RBFOX1: variants seen among roughly 807,000 people sequenced by gnomAD.
RBFOX1 encodes RNA binding protein fox-1 homolog 1.
Under a neutral mutation model 57.7 loss-of-function variants are expected in RBFOX1, and 8 were observed. The observed-to-expected ratio is 0.14, with a 90% CI of 0.08 to 0.25. The LOEUF (loss-of-function observed/expected upper bound fraction) is 0.25. Ranked by LOEUF, RBFOX1 falls within the 10% of genes least tolerant of loss-of-function variation. The pLI, the probability that RBFOX1 is intolerant of heterozygous loss-of-function variation, is 1.00. For missense variants in RBFOX1, 611 were observed against 548.5 expected (o/e 1.11, Z -1.14); for synonymous variants, 326 against 222.4 (o/e 1.47, Z -4.15).
intron 2 of RBFOX1, among the ~76,000 whole-genome samples, chr16:5,468,256 A>G (rs2069015329): frequency 6.6e-6 from 1 of 152,206 alleles, no homozygotes; most frequent in African/African-American, 2.4e-5. Flanking sequence ...TAGTACCTTC[A>G]CAGTGTTGGG....
chr16:7,021,193 C>A (rs550107439), intron 3 of RBFOX1, among the ~76,000 whole-genome samples: 2 of 152,090 alleles, frequency 1.3e-5, no homozygotes, highest in East Asian at 3.9e-4. Flanking sequence ...AAACTTGTCT[C>A]TTCTCAGTTA....
intron 1 of RBFOX1, among the ~76,000 whole-genome samples, chr16:6,071,543 T>C (rs888138050): frequency 3.3e-5 from 5 of 152,178 alleles, no homozygotes; most frequent in Non-Finnish European, 2.9e-5. Context: ...TTTTAAAAAT[T>C]AATGCTTCAT....
chr16:6,200,885 T>A (rs1317187373), intron 1 of RBFOX1, among the ~76,000 whole-genome samples: 1 of 151,958 alleles, frequency 6.6e-6, no homozygotes, highest in Non-Finnish European at 1.5e-5. Flanking sequence ...GTGTGTGTAT[T>A]TGTGTATTTT....
intron 1 of RBFOX1, among the ~76,000 whole-genome samples, chr16:5,277,670 C>G (rs570272346): frequency 1.8e-4 from 27 of 152,256 alleles, no homozygotes; most frequent in African/African-American, 6.5e-4. Flanking sequence ...GTCTCTATCC[C>G]TGACCCTACT....
chr16:6,547,166 G>A (rs528652108), intron 2 of RBFOX1, among the ~76,000 whole-genome samples: 1 of 152,230 alleles, frequency 6.6e-6, no homozygotes, highest in Admixed American at 6.5e-5. Context: ...CATTTTAATT[G>A]GTGGGGAAAC....
chr16:5,447,214 C>A (rs1226516257), intron 1 of RBFOX1, among the ~76,000 whole-genome samples: 2 of 152,132 alleles, frequency 1.3e-5, no homozygotes, highest in African/African-American at 2.4e-5. Flanking sequence ...CTGCCACCTT[C>A]TTGGTGAAGG....
At chr16:7,034,658 G>T (rs2043763642) in intron 3 of RBFOX1, among the ~76,000 whole-genome samples, 1 of 151,600 alleles carries the variant, frequency 6.6e-6, no homozygotes, top group African/African-American at 2.4e-5. Flanking sequence ...CTAGCAGAGG[G>T]CCCTCTTTAT....
rs1555586817 is a variant in RBFOX1 at position 7,218,667 on chromosome 16, T to TGTGTGC, written c.27+166574_27+166575insCGTGTG. Among the ~76,000 whole-genome samples, 104 of 148,196 alleles carry TGTGTGC rather than the reference T, an allele frequency of 7.0e-4. 3 individuals are homozygous for TGTGTGC. Among genetic ancestry groups the TGTGTGC allele is most frequent in the African/African-American group, 1.8e-3 (73 of 39,632 alleles). On this transcript the variant is annotated intron_variant, in intron 4 of 15. Coordinates refer to ENST00000550418, the MANE Select transcript of RBFOX1 (RefSeq NM_018723.4). ...GTGTGTGTGTGTGTGTGTGTGTGTGTGTGTGTGTGTGTGTCCTTTTGTTCC... is the reference window on the plus strand; with the variant it reads ...GTGTGTGTGTGTGTGTGTGTGTGTGTGTGTGCGTGTGTGTGTGTGTCCTTTTGTTCC...
At chr16:6,026,416 T>C (rs981505218) in intron 1 of RBFOX1, among the ~76,000 whole-genome samples, 2 of 152,190 alleles carry the variant, frequency 1.3e-5, no homozygotes, top group African/African-American at 4.8e-5. Flanking sequence ...AAGCAATTTG[T>C]CCAAGGACAC....
intron 4 of RBFOX1, among the ~76,000 whole-genome samples, chr16:7,298,228 G>A (rs1296674140): frequency 6.6e-6 from 1 of 151,256 alleles, no homozygotes; most frequent in African/African-American, 2.4e-5. Context: ...CAGCAACATG[G>A]GGGTTAGAAG....
chr16:5,430,733 A>G (rs902198448), intron 1 of RBFOX1, among the ~76,000 whole-genome samples: 8 of 152,226 alleles, frequency 5.3e-5, no homozygotes, highest in Non-Finnish European at 8.8e-5. Flanking sequence ...AAATGATCAG[A>G]CCAGACGCCT....
rs142636818 is a variant in RBFOX1, at chr16:6,690,922, G to C, written c.-16+36272G>C. On this transcript the variant is annotated intron_variant, in intron 3 of 15. Transcript: ENST00000550418. Reference sequence around the variant, plus strand: ...GGTTTGGGTTTTCATTTTCACCTCCGGCTAAATCTGTCAACCTGTGATGAG... The same window carrying C: ...GGTTTGGGTTTTCATTTTCACCTCCCGCTAAATCTGTCAACCTGTGATGAG... Among the ~76,000 whole-genome samples the C allele has an allele frequency of 1.4e-4, 21 of 152,012 alleles. 1 individual carries two copies. The highest frequency in any genetic ancestry group is 4.3e-4 in the African/African-American group (18 of 41,456).
At chr16:7,046,797 G>T (rs1331249607) in intron 3 of RBFOX1, among the ~76,000 whole-genome samples, 1 of 151,626 alleles carries the variant, frequency 6.6e-6, no homozygotes, top group Non-Finnish European at 1.5e-5. Context: ...ATAGAGACGG[G>T]GTTTTGCTGT....
chr16:6,236,336 C>T (rs892038343), intron 1 of RBFOX1, among the ~76,000 whole-genome samples: 3 of 152,122 alleles, frequency 2.0e-5, no homozygotes, highest in South Asian at 2.1e-4. Flanking sequence ...GTACCTAACT[C>T]ATAATCTGTG....
rs138820423 is a variant in RBFOX1 at position 5,870,261 on chromosome 16, G to A, written c.351+2926G>A. ...GGTAGGGGCAGAAAGGGACCTAATG[G>A]GAATGTCCAACACTCTCATCTGGAT... On this transcript the variant is annotated intron_variant, in intron 4 of 19. Transcript: ENST00000641259. Among the ~76,000 whole-genome samples the A allele has an allele frequency of 7.6e-4, 115 of 151,108 alleles. 1 individual carries two copies. In the Middle Eastern group the frequency reaches 0.01, roughly 14 times the overall value.
chr16:6,207,861 A>C (rs1598370759), intron 1 of RBFOX1, among the ~76,000 whole-genome samples: 1 of 152,174 alleles, frequency 6.6e-6, no homozygotes, highest in South Asian at 2.1e-4. Context: ...CTAATTAAAA[A>C]AAAATTTTTT....
chr16:5,809,168 T>C (rs1007539239), intron 3 of RBFOX1, among the ~76,000 whole-genome samples: 2 of 152,098 alleles, frequency 1.3e-5, no homozygotes, highest in Non-Finnish European at 2.9e-5. Context: ...ATACAAAAAT[T>C]AATTCAAGAT....
chr16:7,287,563 C>T (rs1040535544), intron 4 of RBFOX1, among the ~76,000 whole-genome samples: 1 of 152,176 alleles, frequency 6.6e-6, no homozygotes. Flanking sequence ...CAGTCTGTGA[C>T]TTGGGCTACT....
chr16:5,643,118 C>G (rs2048935380), intron 3 of RBFOX1, among the ~76,000 whole-genome samples: 1 of 152,158 alleles, frequency 6.6e-6, no homozygotes, highest in African/African-American at 2.4e-5. Flanking sequence ...GCCTCAGCAG[C>G]CAGCCTCTAG....
Sources: gnomAD v4.1 joint callset for allele counts (sites outside exome capture counted in the v4.1 genomes callset) on GRCh38, gnomAD v4.1.1 for gene constraint, MANE v1.5 for transcripts, NCBI Gene and HGNC (gene_info 2026-07-23, HGNC 2026-07-21) for gene names.